NEGR1: variants seen among roughly 807,000 people sequenced by gnomAD.
NEGR1 encodes the protein IgLON family member 4.
NEGR1 carries 10 observed loss-of-function variants against 40.9 expected under a neutral mutation model. The observed-to-expected ratio is 0.24, with a 90% CI of 0.15 to 0.42. The LOEUF (loss-of-function observed/expected upper bound fraction) is 0.42, where lower values mean the gene tolerates loss of function less well. NEGR1 is among the 10% of genes least tolerant of loss of function. The pLI is 1.00. For synonymous variants in NEGR1, 185 were observed against 166.8 expected (o/e 1.11, Z -0.84); for missense variants, 352 against 438.9 (o/e 0.80, Z 1.77).
At chr1:72,279,695 C>T (rs1656178684) in intron 1 of NEGR1, among the ~76,000 whole-genome samples, 1 of 152,208 alleles carries the variant, frequency 6.6e-6, no homozygotes, top group East Asian at 1.9e-4. Context: ...GATTAAAAAA[C>T]GATGCATCAC....
At chr1:71,833,230 T>A (rs1315575966) in intron 2 of NEGR1, among the ~76,000 whole-genome samples, 1 of 152,074 alleles carries the variant, frequency 6.6e-6, no homozygotes, top group Non-Finnish European at 1.5e-5. Flanking sequence ...ATGAACATCA[T>A]TTTTTAAGTG....
At chr1:72,095,134 T>C (rs1366656476) in intron 1 of NEGR1, among the ~76,000 whole-genome samples, 4 of 152,158 alleles carry the variant, frequency 2.6e-5, no homozygotes, top group East Asian at 1.9e-4. Flanking sequence ...CCTTGGCTTC[T>C]TATATTGTCT....
rs1393896351 is a variant in NEGR1, at chr1:71,403,730, A to G, written c.*3716T>C. The G allele has an allele frequency of 2.9e-6, 1 of 350,834 alleles. No individual in the cohort carries two copies. The highest frequency in any genetic ancestry group is 5.2e-6 in the Non-Finnish European group (1 of 192,726). 21.7% of individuals were successfully genotyped at this position (350,834 alleles called of 1,614,324 possible). On this transcript the variant is annotated 3_prime_UTR_variant, in exon 7 of 7. Coordinates refer to ENST00000357731, the MANE Select transcript of NEGR1 (RefSeq NM_173808.3). ...AATAGAGTTTTAAAATGAGTCAAATACATATTTTAATTGATAAACTGAGTT... is the reference window on the plus strand; with the variant it reads ...AATAGAGTTTTAAAATGAGTCAAATGCATATTTTAATTGATAAACTGAGTT...
chr1:72,258,800 A>C (rs1332489863), intron 1 of NEGR1, among the ~76,000 whole-genome samples: 1 of 152,174 alleles, frequency 6.6e-6, no homozygotes, highest in Non-Finnish European at 1.5e-5. Context: ...GTATTTTTAC[A>C]AACTAAAATT....
In NEGR1 at chr1:71,716,473, T is replaced by C. The variant is rs117123987; in HGVS notation, c.536-18334A>G. Among the ~76,000 whole-genome samples, 306 of 152,096 alleles carry C rather than the reference T, an allele frequency of 2.0e-3. 6 individuals carry two copies. The East Asian group carries it at 0.053, about 27-fold the overall frequency. On this transcript the variant is annotated intron_variant, in intron 3 of 6. Coordinates refer to ENST00000357731, the MANE Select transcript of NEGR1 (RefSeq NM_173808.3). ...AGAAATAATCACAAAATCCAAACTGTATGATAGCAGTGAGAAATTTTCATT... is the reference window on the plus strand; with the variant it reads ...AGAAATAATCACAAAATCCAAACTGCATGATAGCAGTGAGAAATTTTCATT...
intron 4 of NEGR1, among the ~76,000 whole-genome samples, chr1:71,642,852 T>C (rs1336458388): frequency 6.6e-6 from 1 of 151,986 alleles, no homozygotes; most frequent in African/African-American, 2.4e-5. Flanking sequence ...TCTTTTGTGG[T>C]CTTTCTTTTT....
chr1:72,215,096 CA>C (rs898740343), intron 1 of NEGR1, among the ~76,000 whole-genome samples: 3 of 151,966 alleles, frequency 2.0e-5, no homozygotes, highest in African/African-American at 7.2e-5. Flanking sequence ...ACAAACCTGA[CA>C]AAAACAAGTA....
At chr1:71,921,184 A>G (rs1645714099) in intron 2 of NEGR1, among the ~76,000 whole-genome samples, 1 of 152,206 alleles carries the variant, frequency 6.6e-6, no homozygotes, top group African/African-American at 2.4e-5. Context: ...GGAATGAGAC[A>G]TATTTTTCCT....
chr1:71,477,568 C>T (rs1646829265), intron 6 of NEGR1: 1 of 152,280 alleles, frequency 6.6e-6, no homozygotes, highest in Non-Finnish European at 1.5e-5. Flanking sequence ...TTTGCTGGGA[C>T]TTCCTCTTTC....
At chr1:71,803,402 G>C (rs770733431) in intron 2 of NEGR1, among the ~76,000 whole-genome samples, 2 of 152,124 alleles carry the variant, frequency 1.3e-5, no homozygotes, top group Non-Finnish European at 2.9e-5. Context: ...TGTTATGGTA[G>C]CTCAAGCAGA....
At chr1:72,138,237 A>T (rs1304204837) in intron 1 of NEGR1, among the ~76,000 whole-genome samples, 2 of 152,090 alleles carry the variant, frequency 1.3e-5, no homozygotes, top group Admixed American at 6.6e-5. Flanking sequence ...TTATTTTTTT[A>T]AAAAACAATT....
At chr1:71,868,698 T>G (rs1660192744) in intron 2 of NEGR1, among the ~76,000 whole-genome samples, 1 of 152,108 alleles carries the variant, frequency 6.6e-6, no homozygotes, top group Non-Finnish European at 1.5e-5. Flanking sequence ...TCTAGTGTAT[T>G]GAAAGCTATA....
chr1:72,039,668 AAG>A (rs1285321378), intron 1 of NEGR1, among the ~76,000 whole-genome samples: 1 of 151,956 alleles, frequency 6.6e-6, no homozygotes, highest in Non-Finnish European at 1.5e-5. Context: ...TAAAGGATAA[AAG>A]AGAAACCTTC....
At chr1:71,789,734 G>A (rs1029165479) in intron 2 of NEGR1, among the ~76,000 whole-genome samples, 2 of 151,956 alleles carry the variant, frequency 1.3e-5, no homozygotes, top group African/African-American at 2.4e-5. Flanking sequence ...TTGGGCATTC[G>A]TGCTCTGGAG....
rs573072135 is a variant in NEGR1 at position 71,701,158 on chromosome 1, C to T, written c.536-3019G>A. 6.2e-4 allele frequency among the ~76,000 whole-genome samples: 94 copies of T among 152,112 alleles called. 1 individual carries two copies. The highest frequency in any genetic ancestry group is 2.1e-3 in the African/African-American group (89 of 41,506). On this transcript the variant is annotated intron_variant, in intron 3 of 6. Transcript: ENST00000357731. ...AATAAATTTTTGCTCTTTTTAGCCA[C>T]TAAGTTTGTGGTAATTGGTTATAGC... is the stretch of plus-strand genomic sequence containing the variant.
chr1:71,615,039 T>C (rs1413853091), intron 4 of NEGR1, among the ~76,000 whole-genome samples: 1 of 152,136 alleles, frequency 6.6e-6, no homozygotes, highest in Non-Finnish European at 1.5e-5. Context: ...GAGTTAAAGG[T>C]CCAAGTGTTG....
chr1:72,118,837 T>A (rs1649681282), intron 1 of NEGR1, among the ~76,000 whole-genome samples: 2 of 151,750 alleles, frequency 1.3e-5, no homozygotes, highest in African/African-American at 4.8e-5. Flanking sequence ...TTTTCTATGT[T>A]CTATTTCGGG....
chr1:71,576,255 G>A (rs150956891), intron 6 of NEGR1, among the ~76,000 whole-genome samples: 1 of 151,898 alleles, frequency 6.6e-6, no homozygotes, highest in Admixed American at 6.6e-5. Flanking sequence ...GCTGTTTTGG[G>A]TTTTTTTTGT....
chr1:72,060,442 T>C (rs897951173), intron 1 of NEGR1, among the ~76,000 whole-genome samples: 2 of 151,732 alleles, frequency 1.3e-5, no homozygotes, highest in African/African-American at 4.8e-5. Context: ...ACATTTCAGA[T>C]GCAAAACACA....
Sources: gnomAD v4.1 joint callset for allele counts (sites outside exome capture counted in the v4.1 genomes callset) on GRCh38, gnomAD v4.1.1 for gene constraint, MANE v1.5 for transcripts, NCBI Gene and HGNC (gene_info 2026-07-23, HGNC 2026-07-21) for gene names.